Variants in LONP2 observed in about 807,000 individuals in gnomAD.
LONP2 encodes lon peptidase 2, peroxisomal, also known as lon protease homolog 2, peroxisomal.
A neutral mutation model predicts 85.6 loss-of-function variants in LONP2; 60 were observed. The ratio of observed to expected loss-of-function variants is 0.70; its 90% confidence interval spans 0.57 to 0.87. The LOEUF (loss-of-function observed/expected upper bound fraction) is 0.87. Among genes scored for constraint, LONP2 ranks in the 40% least tolerant of loss-of-function variants. The pLI is 0.00. For synonymous variants in LONP2, 395 were observed against 389.7 expected, an observed-to-expected ratio of 1.01 and a Z score of -0.16; for missense variants, 860 against 1,063.5, an observed-to-expected ratio of 0.81 and a Z score of 2.66.
At chr16:48,281,960 A>G (rs1399949211) in intron 8 of LONP2, among the ~76,000 whole-genome samples, 2 of 152,198 alleles carry the variant, frequency 1.3e-5, no homozygotes, top group Non-Finnish European at 2.9e-5. Flanking sequence ...AAGGCCTAAG[A>G]TATTATTTTA....
At chr16:48,296,973 G>GT (rs199537360) in intron 9 of LONP2, among the ~76,000 whole-genome samples, 20 of 151,068 alleles carry the variant, frequency 1.3e-4, no homozygotes, top group Middle Eastern at 3.4e-3. Context: ...ATATCACTGA[G>GT]TTTTTTTTTA....
Position 48,261,593 on chromosome 16 carries a change from T to C in LONP2, c.887+6T>C, listed in dbSNP as rs1031612515. 1.3e-6 allele frequency: 2 copies of C among 1,544,436 alleles called. No individual in the cohort carries two copies. Among genetic ancestry groups the C allele is most frequent in the East Asian group, 2.3e-5 (1 of 42,640 alleles). ...TGTGTCAAAGAGATAAAGAGGTAAA[T>C]TATAAAAGGCATTTGTTCATTATTG... is the stretch of plus-strand genomic sequence containing the variant. On this transcript the variant is annotated splice_donor_region_variant and intron_variant, in intron 5 of 14. Coordinates refer to ENST00000285737, the MANE Select transcript of LONP2 (RefSeq NM_031490.5).
In LONP2 at chr16:48,347,563, A is replaced by C. The variant is rs1287423987; in HGVS notation, c.1995A>C (p.Leu665Phe). Residue 665 changes from leucine to phenylalanine, a missense_variant, in exon 13 of 15, where the codon TTA becomes TTC. By Grantham distance (22) the Leu-to-Phe change is conservative. Transcript: ENST00000285737. ...GVAIGLAWTP[L>F]GGEIMFVEAS... ...CAATAGGTTTGGCTTGGACTCCCTTAGGTGGAGAAATCATGTTCGTGGAGG... is the reference window on the plus strand; with the variant it reads ...CAATAGGTTTGGCTTGGACTCCCTTCGGTGGAGAAATCATGTTCGTGGAGG... The C allele has an allele frequency of 1.2e-6, 2 of 1,614,236 alleles. No homozygotes were observed. Among genetic ancestry groups the C allele is most frequent in the East Asian group, 2.2e-5 (1 of 44,880 alleles).
At chr16:48,311,996 A>G (rs535753395) in intron 11 of LONP2, among the ~76,000 whole-genome samples, 275 of 151,584 alleles carry the variant, frequency 1.8e-3, no homozygotes, top group African/African-American at 6.1e-3. Flanking sequence ...GCTAGAGTGC[A>G]GTGGCACGAT....
chr16:48,354,161 T>TC lies in LONP2; in HGVS notation c.*2360dup, dbSNP rs1960250017. On this transcript the variant is annotated 3_prime_UTR_variant, in exon 15 of 15. Transcript: ENST00000285737. ...TTTTTAAGCATATAATTTGGGGGTA[T>TC]CAGTTACTGGATCTAAGCATGTCCA... 6.9e-6 allele frequency: 1 copy of TC among 144,624 alleles called. No individual in the cohort carries two copies. Among genetic ancestry groups the TC allele is most frequent in the African/African-American group, 2.6e-5 (1 of 39,204 alleles). The allele number at this position is 144,624 out of a possible 1,614,324, so 9.0% of individuals were successfully genotyped here.
downstream of LONP2, chr16:48,362,202 C>T: frequency 6.2e-7 from 1 of 1,614,212 alleles, no homozygotes; most frequent in East Asian, 2.2e-5. This position sits in a 1 kb window ranked among gnomAD's most constrained non-coding sequence, Gnocchi z 4.2. Context: ...CAAAGGGCCC[C>T]GGCAAGTTGG....
rs758314753 is a variant in LONP2, at chr16:48,252,154, T to A, written c.257T>A (p.Val86Asp). The A allele has an allele frequency of 1.9e-6, 3 of 1,599,960 alleles. No homozygotes were observed. The highest frequency in any genetic ancestry group is 2.6e-6 in the Non-Finnish European group (3 of 1,170,398). ...LHRIGTAALA[V>D]QVVGSNWPKP... is the part of the protein sequence containing the mutation. ...AGGATTGGCACAGCTGCACTGGCCG[T>A]TCAGGTTGTGGGCAGTAACTGGCCC... Residue 86 changes from valine to aspartate, a missense_variant, in exon 2 of 15, where the codon GTT (valine) becomes GAT (aspartate). Transcript: ENST00000285737.
downstream of LONP2, chr16:48,361,232 C>G: frequency 3.9e-6 from 1 of 257,464 alleles, no homozygotes. Context: ...CACACCCACG[C>G]AGGCACACAC....
chr16:48,296,876 A>G (rs543128382), intron 9 of LONP2, among the ~76,000 whole-genome samples: 1 of 152,262 alleles, frequency 6.6e-6, no homozygotes, highest in East Asian at 1.9e-4. Context: ...TGCAAAATGT[A>G]TTCCTTCAGT....
chr16:48,304,348 T>C (rs1029041381), intron 11 of LONP2, among the ~76,000 whole-genome samples: 1 of 152,220 alleles, frequency 6.6e-6, no homozygotes, highest in Non-Finnish European at 1.5e-5. Context: ...TAAAAAATTA[T>C]TGTGAAGGTG....
chr16:48,282,218 G>C (rs1341683118), intron 8 of LONP2, among the ~76,000 whole-genome samples: 3 of 151,950 alleles, frequency 2.0e-5, no homozygotes, highest in Admixed American at 2.0e-4. Context: ...AGACCAGCCT[G>C]GCTAACGTGG....
At chr16:48,270,350 A>G in intron 7 of LONP2, 76 bp downstream of exon 7, 1 of 1,478,428 alleles carries the variant, frequency 6.8e-7, no homozygotes, top group Non-Finnish European at 9.3e-7. Flanking sequence ...AAGCTTAGGC[A>G]TAGCATACAT....
chr16:48,346,650 A>G (rs1959973851), intron 12 of LONP2, among the ~76,000 whole-genome samples: 1 of 152,054 alleles, frequency 6.6e-6, no homozygotes, highest in Non-Finnish European at 1.5e-5. Flanking sequence ...GGGTCTCACC[A>G]TGTTGCCCAC....
chr16:48,331,848 G>C (rs1959466979), intron 11 of LONP2, among the ~76,000 whole-genome samples: 1 of 152,232 alleles, frequency 6.6e-6, no homozygotes, highest in Non-Finnish European at 1.5e-5. Flanking sequence ...ACAGGCGTGA[G>C]CCACCACGCC....
At chr16:48,349,325 C>T (rs1419166530) in intron 14 of LONP2, among the ~76,000 whole-genome samples, 1 of 151,942 alleles carries the variant, frequency 6.6e-6, no homozygotes, top group Non-Finnish European at 1.5e-5. Flanking sequence ...GGTTGGAGTA[C>T]AGTGGCACAA....
intron 11 of LONP2, among the ~76,000 whole-genome samples, chr16:48,332,795 C>G (rs1427970679): frequency 6.6e-6 from 1 of 151,528 alleles, no homozygotes; most frequent in Non-Finnish European, 1.5e-5. Context: ...GTAATCCCAG[C>G]TACTCTGGAG....
chr16:48,317,101 G>A (rs760249589), intron 11 of LONP2, among the ~76,000 whole-genome samples: 1 of 151,962 alleles, frequency 6.6e-6, no homozygotes, highest in Non-Finnish European at 1.5e-5. Flanking sequence ...TTATTCCTTC[G>A]TGGGTGACCC....
chr16:48,351,423 T>A (rs1960142083), intron 14 of LONP2, among the ~76,000 whole-genome samples, 158 bp from the exon 15 acceptor site: 1 of 152,198 alleles, frequency 6.6e-6, no homozygotes. Flanking sequence ...CTACTTATCC[T>A]TTTTCCTGGC....
chr16:48,261,397 G>A, intron 4 of LONP2, 27 bp from the exon 5 acceptor site: 1 of 1,532,352 alleles, frequency 6.5e-7, no homozygotes, highest in Non-Finnish European at 8.8e-7. Context: ...TTGACATACG[G>A]TTTTACTTTT....
Sources: gnomAD v4.1 joint callset for allele counts (sites outside exome capture counted in the v4.1 genomes callset) on GRCh38, gnomAD v4.1.1 for gene constraint, Gnocchi (gnomAD v3.1) non-coding constraint, MANE v1.5 for transcripts, NCBI Gene and HGNC (gene_info 2026-07-23, HGNC 2026-07-21) for gene names.